The following ZMAT4 variants were observed in gnomAD, a reference collection of about 807,000 sequenced individuals.
ZMAT4 encodes the protein zinc finger matrin-type protein 4.
ZMAT4 carries 17 observed loss-of-function variants against 28.7 expected under a neutral mutation model. That is an observed-to-expected ratio of 0.59 (90% CI 0.41 to 0.89). ZMAT4 has a LOEUF of 0.89. Among genes scored for constraint, ZMAT4 ranks in the 40% least tolerant of loss-of-function variants. The pLI, the probability that ZMAT4 is intolerant of heterozygous loss-of-function variation, is 0.00. For synonymous variants in ZMAT4, 117 were observed against 109.2 expected (o/e 1.07, Z -0.44); for missense variants, 240 against 283.8 (o/e 0.85, Z 1.11).
chr8:40,847,057 A>G (rs952602694), intron 1 of ZMAT4, among the ~76,000 whole-genome samples: 1 of 151,986 alleles, frequency 6.6e-6, no homozygotes, highest in Admixed American at 6.6e-5. Context: ...AAATAGAAAA[A>G]CTAGCAGTAT....
intron 6 of ZMAT4, among the ~76,000 whole-genome samples, chr8:40,534,677 CTTTTTTTT>C (rs34915339): frequency 1.1e-5 from 1 of 87,358 alleles, no homozygotes; most frequent in Non-Finnish European, 2.4e-5. Context: ...CATTTGCTAC[CTTTTTTTT>C]TTTTTTTTTT....
intron 3 of ZMAT4, among the ~76,000 whole-genome samples, chr8:40,746,089 G>A (rs940653790): frequency 1.1e-4 from 16 of 151,910 alleles, no homozygotes; most frequent in African/African-American, 3.1e-4. Flanking sequence ...CTTGGTAGAC[G>A]TTCTCAACTG....
chr8:40,873,527 C>T (rs1335353523), intron 1 of ZMAT4, among the ~76,000 whole-genome samples: 1 of 152,132 alleles, frequency 6.6e-6, no homozygotes, highest in East Asian at 1.9e-4. Flanking sequence ...GCATGGGTCC[C>T]TTGTTTTACA....
chr8:40,609,826 G>A (rs1471968488), intron 5 of ZMAT4, among the ~76,000 whole-genome samples: 2 of 152,056 alleles, frequency 1.3e-5, no homozygotes, highest in Non-Finnish European at 2.9e-5. Context: ...TGTTTACTTA[G>A]TTTCTTTTGA....
At chr8:40,801,351 A>AAAAAAAATATATATATATATATATGT (rs370796453) in intron 2 of ZMAT4, among the ~76,000 whole-genome samples, 10 of 97,254 alleles carry the variant, frequency 1.0e-4, no homozygotes, top group African/African-American at 3.7e-4. Context: ...TAAAAAAAAA[A>AAAAAAAATATATATATATATATATGT]ATATATATAT....
chr8:40,595,159 C>T (rs1805047202), intron 5 of ZMAT4, among the ~76,000 whole-genome samples: 2 of 152,148 alleles, frequency 1.3e-5, no homozygotes, highest in South Asian at 2.1e-4. Flanking sequence ...TGAAGCCTTG[C>T]TTTTCCTTTC....
In ZMAT4 at chr8:40,632,607, T is replaced by C. The variant is rs139902290; in HGVS notation, c.577+42097A>G. On this transcript the variant is annotated intron_variant, in intron 5 of 6. Transcript: ENST00000297737. ...AAGGCCCTGTAAAGCTGAGCACAGA[T>C]TGGAGTTTTGTAGCTGTGAGCCAAG... Among the ~76,000 whole-genome samples, 729 of 152,104 alleles carry C rather than the reference T, an allele frequency of 4.8e-3. 7 individuals are homozygous for C. The highest frequency in any genetic ancestry group is 0.016 in the African/African-American group (681 of 41,490).
chr8:40,852,527 T>C (rs1817149807), intron 1 of ZMAT4, among the ~76,000 whole-genome samples: 1 of 152,204 alleles, frequency 6.6e-6, no homozygotes, highest in Non-Finnish European at 1.5e-5. Flanking sequence ...AGATATATAG[T>C]TGGAAAAGGG....
chr8:40,536,809 C>T (rs983379372), intron 6 of ZMAT4, among the ~76,000 whole-genome samples: 1 of 151,904 alleles, frequency 6.6e-6, no homozygotes, highest in Admixed American at 6.6e-5. Flanking sequence ...AGAAAATGCC[C>T]AAGCTACAGA....
chr8:40,871,556 G>A (rs570623235), intron 1 of ZMAT4, among the ~76,000 whole-genome samples: 29 of 152,326 alleles, frequency 1.9e-4, no homozygotes, highest in Admixed American at 3.3e-4. Context: ...GAAGGCTGGG[G>A]CAGAAGGGAG....
intron 5 of ZMAT4, among the ~76,000 whole-genome samples, chr8:40,582,913 A>T (rs755424456): frequency 2.0e-5 from 3 of 152,202 alleles, no homozygotes; most frequent in Non-Finnish European, 4.4e-5. Flanking sequence ...CTAGACACAG[A>T]TGATAACTAT....
At chr8:40,858,345 T>C (rs1034997752) in intron 1 of ZMAT4, among the ~76,000 whole-genome samples, 10 of 152,192 alleles carry the variant, frequency 6.6e-5, no homozygotes, top group Non-Finnish European at 1.3e-4. Context: ...TTTTGCCTCC[T>C]ATTAGACCAC....
intron 3 of ZMAT4, among the ~76,000 whole-genome samples, chr8:40,710,310 T>A (rs1056471718): frequency 2.0e-5 from 3 of 152,198 alleles, no homozygotes; most frequent in Non-Finnish European, 4.4e-5. Context: ...TATTATTGGA[T>A]AAAGTATATC....
intron 2 of ZMAT4, among the ~76,000 whole-genome samples, chr8:40,777,731 G>A (rs1813660557): frequency 6.6e-6 from 1 of 152,158 alleles, no homozygotes; most frequent in South Asian, 2.1e-4. Context: ...CAACGGACAA[G>A]TGTCCCCACC....
intron 5 of ZMAT4, among the ~76,000 whole-genome samples, chr8:40,664,410 G>A (rs1341424821): frequency 6.6e-6 from 1 of 152,152 alleles, no homozygotes; most frequent in Non-Finnish European, 1.5e-5. Flanking sequence ...TAGCTATTCA[G>A]ATTTTGACAA....
chr8:40,711,973 G>A lies in ZMAT4; in HGVS notation c.193-14572C>T, dbSNP rs375577486. On this transcript the variant is annotated intron_variant, in intron 3 of 6. Transcript: ENST00000297737. ...TGTGGGTTTTATTTTCTAATAAAAGGTTTATAAAAGATGAATTCCAGTTTA... is the reference window on the plus strand; with the variant it reads ...TGTGGGTTTTATTTTCTAATAAAAGATTTATAAAAGATGAATTCCAGTTTA... 3.9e-5 allele frequency among the ~76,000 whole-genome samples: 6 copies of A among 152,264 alleles called. No homozygotes were observed. In the South Asian group the frequency reaches 1.0e-3, roughly 26 times the overall value.
chr8:40,747,058 G>A (rs1812269653), intron 3 of ZMAT4, among the ~76,000 whole-genome samples: 1 of 152,172 alleles, frequency 6.6e-6, no homozygotes, highest in Non-Finnish European at 1.5e-5. Flanking sequence ...ATGGAGGGCA[G>A]GGACCCTTCC....
intron 4 of ZMAT4, among the ~76,000 whole-genome samples, chr8:40,692,490 A>G (rs1300823024): frequency 2.6e-5 from 4 of 152,230 alleles, no homozygotes; most frequent in Non-Finnish European, 5.9e-5. Context: ...ACCGCAAAGT[A>G]TCACAATAAA....
chr8:40,794,255 G>A (rs1374928085), intron 2 of ZMAT4, among the ~76,000 whole-genome samples: 2 of 152,162 alleles, frequency 1.3e-5, no homozygotes, highest in South Asian at 2.1e-4. Context: ...GCACATGGAT[G>A]AGAAATAGCT....
Sources: allele counts gnomAD v4.1 joint callset (sites outside exome capture counted in the v4.1 genomes callset), GRCh38; gene constraint gnomAD v4.1.1; transcripts MANE v1.5; gene names NCBI Gene and HGNC (gene_info 2026-07-23, HGNC 2026-07-21).